Variants in FOXP1 observed in about 807,000 individuals in gnomAD.
The protein encoded by FOXP1 is forkhead box P1.
Under a neutral mutation model 98.2 loss-of-function variants are expected in FOXP1, and 15 were observed. The ratio of observed to expected loss-of-function variants is 0.15; its 90% CI spans 0.10 to 0.24. The LOEUF is 0.24. Ranked by LOEUF, FOXP1 falls within the 10% of genes least tolerant of loss-of-function variation. The pLI, the probability that FOXP1 is intolerant of heterozygous loss-of-function variation, is 1.00. For synonymous variants in FOXP1, 371 were observed against 314.5 expected, an observed-to-expected ratio of 1.18 and a Z score of -1.90; for missense variants, 633 against 848.5, an observed-to-expected ratio of 0.75 and a Z score of 3.15.
intron 4 of FOXP1, among the ~76,000 whole-genome samples, chr3:71,320,735 A>T (rs546861954): frequency 2.8e-4 from 42 of 152,194 alleles, no homozygotes; most frequent in Non-Finnish European, 5.9e-4. Context: ...TCAGTAAACA[A>T]CGTTAACGGC....
chr3:71,146,931 C>A (rs2060339016), intron 6 of FOXP1, among the ~76,000 whole-genome samples: 1 of 152,242 alleles, frequency 6.6e-6, no homozygotes, highest in Admixed American at 6.5e-5. Flanking sequence ...CCAGCGAGCG[C>A]TGCTCTACTT....
intron 20 of FOXP1, among the ~76,000 whole-genome samples, chr3:70,962,082 TTTC>T (rs2033673549): frequency 6.6e-6 from 1 of 152,190 alleles, no homozygotes. Flanking sequence ...TAAGGCCAGT[TTTC>T]TTATTTTTGC....
intron 3 of FOXP1, among the ~76,000 whole-genome samples, chr3:71,443,469 G>A (rs1018482597): frequency 7.2e-5 from 11 of 152,284 alleles, no homozygotes; most frequent in East Asian, 1.9e-4. Flanking sequence ...CTGGGTTCAC[G>A]TCTGTCGGTC....
intron 3 of FOXP1, among the ~76,000 whole-genome samples, chr3:71,424,649 C>T (rs1397378397): frequency 6.6e-6 from 1 of 152,114 alleles, no homozygotes; most frequent in African/African-American, 2.4e-5. Context: ...CACAAAAATC[C>T]GCACTCCAAT....
chr3:71,483,837 A>G (rs2090462079), intron 3 of FOXP1, among the ~76,000 whole-genome samples: 1 of 152,050 alleles, frequency 6.6e-6, no homozygotes, highest in African/African-American at 2.4e-5. Context: ...TTTCCTAAAA[A>G]CACAGTAGTA....
intron 6 of FOXP1, among the ~76,000 whole-genome samples, chr3:71,164,163 C>A (rs896487418): frequency 6.6e-6 from 1 of 152,104 alleles, no homozygotes; most frequent in Non-Finnish European, 1.5e-5. Context: ...ATGGATGCTA[C>A]CTACAACTTA....
intron 3 of FOXP1, among the ~76,000 whole-genome samples, chr3:71,454,395 C>T (rs2087246245): frequency 6.6e-6 from 1 of 152,076 alleles, no homozygotes; most frequent in South Asian, 2.1e-4. Flanking sequence ...GAAGCAGGAG[C>T]TAAGGCACAG....
At chr3:71,159,813 A>T (rs2108131050) in intron 6 of FOXP1, among the ~76,000 whole-genome samples, 1 of 152,372 alleles carries the variant, frequency 6.6e-6, no homozygotes, top group Non-Finnish European at 1.5e-5. Context: ...ATAACACAAT[A>T]AAATGGATGC....
chr3:71,130,925 T>C, intron 6 of FOXP1: 2 of 1,307,980 alleles, frequency 1.5e-6, no homozygotes, highest in Non-Finnish European at 1.9e-6. Flanking sequence ...CAGTGCGCCC[T>C]GGCTAGACCA....
intron 11 of FOXP1, among the ~76,000 whole-genome samples, chr3:71,015,946 G>A (rs532497704): frequency 1.3e-4 from 20 of 152,280 alleles, no homozygotes; most frequent in African/African-American, 4.6e-4. Flanking sequence ...CTGCGAAGGA[G>A]TCTTTAAAAA....
intron 3 of FOXP1, among the ~76,000 whole-genome samples, chr3:71,454,892 C>T (rs2087318050): frequency 6.6e-6 from 1 of 152,072 alleles, no homozygotes; most frequent in Non-Finnish European, 1.5e-5. Flanking sequence ...AGGGCCCACA[C>T]CAGTCTGAAA....
chr3:71,461,919 A>G (rs1490148351), intron 3 of FOXP1, among the ~76,000 whole-genome samples: 2 of 152,210 alleles, frequency 1.3e-5, no homozygotes, highest in African/African-American at 4.8e-5. Context: ...ATTCTAAGAA[A>G]GAGTGATTAA....
chr3:71,253,452 A>G (rs1286581630), intron 5 of FOXP1, among the ~76,000 whole-genome samples: 6 of 152,338 alleles, frequency 3.9e-5, no homozygotes, highest in Non-Finnish European at 8.8e-5. Flanking sequence ...ATACATGTCC[A>G]AGTTCTGATC....
At chr3:71,465,464 C>T (rs1219039691) in intron 3 of FOXP1, among the ~76,000 whole-genome samples, 1 of 152,150 alleles carries the variant, frequency 6.6e-6, no homozygotes, top group East Asian at 1.9e-4. Context: ...AAGGAATTTG[C>T]TTAAGATGGA....
At chr3:71,437,245 A>G (rs1376910926) in intron 3 of FOXP1, among the ~76,000 whole-genome samples, 1 of 152,096 alleles carries the variant, frequency 6.6e-6, no homozygotes, top group African/African-American at 2.4e-5. Context: ...CGTCTCTATG[A>G]AAAACACAGA....
chr3:71,543,876 T>C (rs2045102543), intron 2 of FOXP1, among the ~76,000 whole-genome samples: 1 of 152,260 alleles, frequency 6.6e-6, no homozygotes, highest in Non-Finnish European at 1.5e-5. Flanking sequence ...GTGATCTTCA[T>C]TCAGTAAAAC....
chr3:71,569,301 G>A (rs572833051), intron 2 of FOXP1, among the ~76,000 whole-genome samples: 73 of 152,268 alleles, frequency 4.8e-4, no homozygotes, highest in African/African-American at 1.6e-3. Flanking sequence ...ATGCACATGT[G>A]TACACAAGTG....
intron 20 of FOXP1, among the ~76,000 whole-genome samples, chr3:70,959,672 C>G (rs1433883837): frequency 6.6e-6 from 1 of 152,204 alleles, no homozygotes; most frequent in Non-Finnish European, 1.5e-5. Context: ...ACATTTGCAT[C>G]ACTGCGTAAA....
At chr3:71,356,090 C>A (rs766378687) in intron 4 of FOXP1, among the ~76,000 whole-genome samples, 38 of 151,624 alleles carry the variant, frequency 2.5e-4, no homozygotes, top group Non-Finnish European at 4.3e-4. Flanking sequence ...GGCAGAAGAT[C>A]GACATCATGT....
Sources: gnomAD v4.1 joint callset for allele counts (sites outside exome capture counted in the v4.1 genomes callset) on GRCh38, gnomAD v4.1.1 for gene constraint, MANE v1.5 for transcripts, NCBI Gene and HGNC (gene_info 2026-07-23, HGNC 2026-07-21) for gene names.